Variants in LOC101059915 observed in about 807,000 individuals in gnomAD.
chrX:71,670,419 C>A, the LOC101059915 span: 1 of 1,148,634 alleles, frequency 8.7e-7, no homozygotes, highest in Non-Finnish European at 1.2e-6. Context: ...TCGGTGTCTC[C>A]CCAATCCCCT....
At chrX:71,670,603 C>T in the LOC101059915 span, 1 of 1,102,051 alleles carries the variant, frequency 9.1e-7, no homozygotes, top group Non-Finnish European at 1.2e-6. Context: ...CTGGTGTCTC[C>T]TGGGCTAGTG....
chrX:71,671,448 A>G, the LOC101059915 span: 2 of 414,605 alleles, frequency 4.8e-6, no homozygotes. Context: ...CTGTTCAGCC[A>G]GGGCTTCCTC....
At chrX:71,669,334 G>GC in the LOC101059915 span, among the ~76,000 whole-genome samples, 2 of 111,971 alleles carry the variant, frequency 1.8e-5, no homozygotes, top group Non-Finnish European at 3.8e-5. Context: ...GGAAGACAGG[G>GC]CTGGCAGCTG....
At chrX:71,668,536 G>C in the LOC101059915 span, 1 of 1,137,130 alleles carries the variant, frequency 8.8e-7, no homozygotes, top group African/African-American at 1.8e-5. Flanking sequence ...AGACACTTGC[G>C]GACGCCGCAG....
At chrX:71,667,669 C>A in the LOC101059915 span, 1 of 630,530 alleles carries the variant, frequency 1.6e-6, no homozygotes, top group Non-Finnish European at 2.1e-6. Context: ...CCCTTCCCTG[C>A]TGTATCAATT....
chrX:71,668,727 C>T, the LOC101059915 span: 27 of 1,071,479 alleles, frequency 2.5e-5, no homozygotes, highest in Middle Eastern at 3.7e-4. Flanking sequence ...CAGGAGCTGC[C>T]GTTAGAGGGC....
At chrX:71,669,246 G>T in the LOC101059915 span, among the ~76,000 whole-genome samples, 28 of 111,805 alleles carry the variant, frequency 2.5e-4, no homozygotes, top group African/African-American at 9.1e-4. Context: ...ACATTAAAGG[G>T]AGCACTTGGT....
the LOC101059915 span, among the ~76,000 whole-genome samples, chrX:71,669,193 G>C: frequency 8.9e-6 from 1 of 111,934 alleles, no homozygotes; most frequent in African/African-American, 3.3e-5. Context: ...CGGGAGCCCA[G>C]GGACACTAGG....
the LOC101059915 span, chrX:71,671,241 C>T: frequency 4.3e-6 from 5 of 1,163,437 alleles, no homozygotes; most frequent in Admixed American, 1.0e-4. Flanking sequence ...AGTTCCAGGA[C>T]CTGTGAAGTG....
chrX:71,667,673 A>G, the LOC101059915 span: 19 of 665,996 alleles, frequency 2.9e-5, no homozygotes, highest in Non-Finnish European at 3.7e-5. Context: ...TCCCTGCTGT[A>G]TCAATTCGCT....
At chrX:71,668,168 C>A in the LOC101059915 span, 4 of 1,130,630 alleles carry the variant, frequency 3.5e-6, no homozygotes, top group East Asian at 1.3e-4. Flanking sequence ...CAGGGACACC[C>A]GTCCCCAGAA....
At chrX:71,669,381 C>A in the LOC101059915 span, among the ~76,000 whole-genome samples, 25 of 111,346 alleles carry the variant, frequency 2.2e-4, no homozygotes, top group African/African-American at 6.2e-4. Flanking sequence ...CATCTAGACT[C>A]ATCAACTTCC....
At chrX:71,670,124 G>C in the LOC101059915 span, 1 of 813,492 alleles carries the variant, frequency 1.2e-6, no homozygotes, top group African/African-American at 2.0e-5. Context: ...GTCCCAGAGG[G>C]AGGGTTGGAG....
the LOC101059915 span, chrX:71,669,788 G>T: frequency 2.2e-6 from 2 of 918,653 alleles, no homozygotes; most frequent in South Asian, 5.2e-5. Flanking sequence ...TGTCGCTTCT[G>T]GGGGCTTAGC....
At chrX:71,670,448 G>T in the LOC101059915 span, 2 of 1,117,624 alleles carry the variant, frequency 1.8e-6, no homozygotes, top group Non-Finnish European at 2.4e-6. Context: ...CATACCCCAT[G>T]CAGAGTGAGT....
At chrX:71,669,154 C>T in the LOC101059915 span, 4 of 924,470 alleles carry the variant, frequency 4.3e-6, no homozygotes, top group Non-Finnish European at 5.8e-6. Context: ...TGCCCATGCC[C>T]TCTCTATCCC....
chrX:71,668,901 C>G, the LOC101059915 span: 1 of 1,120,871 alleles, frequency 8.9e-7, no homozygotes, highest in Non-Finnish European at 1.2e-6. Flanking sequence ...GCGTGGGGCT[C>G]CTGGGGAAGT....
chrX:71,667,850 C>T, the LOC101059915 span: 2 of 1,091,026 alleles, frequency 1.8e-6, no homozygotes, highest in Non-Finnish European at 2.4e-6. Flanking sequence ...GGTTTAGGCC[C>T]AGAGGGTGGC....
At chrX:71,670,473 G>A in the LOC101059915 span, 1 of 1,098,124 alleles carries the variant, frequency 9.1e-7, no homozygotes, top group Non-Finnish European at 1.2e-6. Context: ...CCTTTCCATT[G>A]AGGGTTTTGT....
Sources: gnomAD v4.1 joint callset for allele counts (sites outside exome capture counted in the v4.1 genomes callset) on GRCh38, gnomAD v4.1.1 for gene constraint, MANE v1.5 for transcripts.